MLLT10: variants seen among roughly 807,000 people sequenced by gnomAD.
MLLT10 encodes protein AF-10.
A neutral mutation model predicts 129.1 loss-of-function variants in MLLT10; 30 were observed. The observed-to-expected ratio is 0.23, with a 90% CI of 0.17 to 0.32. The LOEUF is 0.32. Ranked by LOEUF, MLLT10 falls within the 10% of genes least tolerant of loss-of-function variation. The pLI is 1.00. For synonymous variants in MLLT10, 490 were observed against 446.4 expected (o/e 1.10, Z -1.23); for missense variants, 1,119 against 1,268.3 (o/e 0.88, Z 1.79).
chr10:21,658,053 TA>T (rs1257003262), intron 9 of MLLT10, among the ~76,000 whole-genome samples: 2 of 152,170 alleles, frequency 1.3e-5, no homozygotes, highest in African/African-American at 4.8e-5. Context: ...TAAGCTTTTT[TA>T]AAAAGTAAAT....
intron 4 of MLLT10, among the ~76,000 whole-genome samples, chr10:21,589,929 C>A (rs1171697334): frequency 1.3e-5 from 2 of 151,482 alleles, no homozygotes; most frequent in Non-Finnish European, 2.9e-5. Context: ...TCCCCTTTGT[C>A]TGTCTCTCTC....
At chr10:21,669,583 A>G (rs2051178706) in intron 9 of MLLT10, among the ~76,000 whole-genome samples, 1 of 152,202 alleles carries the variant, frequency 6.6e-6, no homozygotes, top group Non-Finnish European at 1.5e-5. Context: ...TATGCTGTGC[A>G]TGCCTCAGAT....
rs996669729 is a variant in MLLT10 at position 21,534,418 on chromosome 10, AGGAGGAGGC to A, written c.-91_-83del. ...GTGGGGAGGGAAGACGCTGAGGAGG[AGGAGGAGGC>A]GGAGGAGGCGGTGGAGGGGAGGTGG... On this transcript the variant is annotated 5_prime_UTR_variant, in exon 1 of 23. Coordinates refer to ENST00000307729, the MANE Select transcript of MLLT10 (RefSeq NM_001195626.3). 6.5e-5 allele frequency: 22 copies of A among 338,798 alleles called. 1 individual carries two copies. The highest frequency in any genetic ancestry group is 1.7e-4 in the East Asian group (4 of 24,044). 21.0% of individuals were successfully genotyped at this position (338,798 alleles called of 1,614,324 possible).
intron 5 of MLLT10, among the ~76,000 whole-genome samples, chr10:21,598,950 C>T (rs1445233976): frequency 1.3e-5 from 2 of 151,764 alleles, no homozygotes; most frequent in African/African-American, 4.8e-5. Flanking sequence ...GAGACCCAGG[C>T]GGGTAGATCA....
chr10:21,638,212 C>T (rs2047637248), intron 8 of MLLT10, among the ~76,000 whole-genome samples: 1 of 127,960 alleles, frequency 7.8e-6, no homozygotes, highest in South Asian at 2.4e-4. Flanking sequence ...ATATTTTGGG[C>T]TTTGTGGACC....
rs12570519 is a variant in MLLT10, at chr10:21,586,113, C to T, written c.241-181C>T. ...GTACTTTAAAAAAATTACTTGTCCT[C>T]TGAAGAAGATCACATGTCATCAAGA... On this transcript the variant is annotated intron_variant, in intron 3 of 22. Transcript: ENST00000307729. Among the ~76,000 whole-genome samples the T allele has an allele frequency of 4.0e-4, 61 of 152,218 alleles. 1 individual carries two copies. In the East Asian group the frequency reaches 0.011, roughly 27 times the overall value.
intron 3 of MLLT10, among the ~76,000 whole-genome samples, chr10:21,565,188 A>C (rs1214037309): frequency 6.7e-6 from 1 of 148,242 alleles, no homozygotes; most frequent in Non-Finnish European, 1.5e-5. Flanking sequence ...TAATATAGTC[A>C]CTCCAGCTTT....
intron 4 of MLLT10, among the ~76,000 whole-genome samples, chr10:21,592,520 A>T (rs1362181408): frequency 1.0e-4 from 15 of 150,438 alleles, no homozygotes; most frequent in African/African-American, 3.7e-4. Flanking sequence ...TAGTGGCGCG[A>T]TCTCGACTCA....
intron 14 of MLLT10, among the ~76,000 whole-genome samples, chr10:21,717,822 C>CCTCCTTCTT (rs2056827021): frequency 7.5e-6 from 1 of 133,332 alleles, no homozygotes; most frequent in Non-Finnish European, 1.6e-5. Context: ...TCCTTCTTCT[C>CCTCCTTCTT]CTCCTTCTCC....
chr10:21,557,936 CTTTTTTT>C (rs67489331), intron 3 of MLLT10: 4 of 126,654 alleles, frequency 3.2e-5, no homozygotes, highest in Non-Finnish European at 6.5e-5. Flanking sequence ...TATTATTTTT[CTTTTTTT>C]TTTTCTTTTT....
At chr10:21,605,490 G>C (rs1203808581) in intron 5 of MLLT10, among the ~76,000 whole-genome samples, 1 of 152,044 alleles carries the variant, frequency 6.6e-6, no homozygotes, top group Non-Finnish European at 1.5e-5. Flanking sequence ...CTGTCACCCT[G>C]TTTGGATTGC....
rs191849260 is a variant in MLLT10 at position 21,540,085 on chromosome 10, A to G, written c.240+1173A>G. ...GCCTGGTCAACTTAGTCTCTACAAAAGAAAAATTTTAAAAATTAGTTGGGG... is the reference window on the plus strand; with the variant it reads ...GCCTGGTCAACTTAGTCTCTACAAAGGAAAAATTTTAAAAATTAGTTGGGG... On this transcript the variant is annotated intron_variant, in intron 3 of 22. Coordinates refer to ENST00000307729, the MANE Select transcript of MLLT10 (RefSeq NM_001195626.3). Among the ~76,000 whole-genome samples the G allele has an allele frequency of 2.2e-3, 330 of 152,236 alleles. 2 individuals are homozygous for G. The highest frequency in any genetic ancestry group is 3.3e-3 in the Non-Finnish European group (222 of 68,016).
intron 8 of MLLT10, chr10:21,624,537 A>G (rs1167779911): frequency 9.2e-7 from 1 of 1,087,868 alleles, no homozygotes; most frequent in African/African-American, 1.6e-5. Context: ...TGAAGAATGT[A>G]GATCTAGAGC....
At chr10:21,711,115 C>A (rs1363227980) in intron 13 of MLLT10, among the ~76,000 whole-genome samples, 1 of 152,170 alleles carries the variant, frequency 6.6e-6, no homozygotes, top group Non-Finnish European at 1.5e-5. Context: ...CTCTGTACTG[C>A]AGCCCCTTTA....
chr10:21,534,087 C>A (rs1179668987), upstream of MLLT10: 1 of 232,632 alleles, frequency 4.3e-6, no homozygotes, highest in Non-Finnish European at 8.3e-6. Flanking sequence ...CGCCCACCCC[C>A]AGCACACCTC....
intron 9 of MLLT10, among the ~76,000 whole-genome samples, chr10:21,667,821 A>G (rs1247791508): frequency 6.6e-6 from 1 of 151,844 alleles, no homozygotes; most frequent in African/African-American, 2.4e-5. Context: ...TTAATTTTGG[A>G]TCTAGTTTTA....
chr10:21,613,380 C>G (rs997349025), intron 6 of MLLT10, among the ~76,000 whole-genome samples: 1 of 151,956 alleles, frequency 6.6e-6, no homozygotes, highest in African/African-American at 2.4e-5. Flanking sequence ...TGCTCATTTC[C>G]TGAGTTTTTA....
intron 13 of MLLT10, among the ~76,000 whole-genome samples, chr10:21,686,362 C>G (rs564228901): frequency 2.0e-5 from 3 of 152,130 alleles, no homozygotes; most frequent in Non-Finnish European, 4.4e-5. Context: ...TCTTTCCTTA[C>G]TTTTCTGTTT....
At chr10:21,738,192 AG>A (rs1222887416) in intron 21 of MLLT10, among the ~76,000 whole-genome samples, 2 of 151,976 alleles carry the variant, frequency 1.3e-5, no homozygotes, top group Non-Finnish European at 2.9e-5. Flanking sequence ...CGCTTGAACC[AG>A]GAGGTGTAGG....
Sources: gnomAD v4.1 joint callset for allele counts (sites outside exome capture counted in the v4.1 genomes callset) on GRCh38, gnomAD v4.1.1 for gene constraint, MANE v1.5 for transcripts, NCBI Gene and HGNC (gene_info 2026-07-23, HGNC 2026-07-21) for gene names.